Variants in TICRR observed in about 807,000 individuals in gnomAD.
The protein encoded by TICRR is treslin.
In TICRR, 132 loss-of-function variants were observed where a neutral mutation model predicts 178.1. The observed-to-expected ratio is 0.74, with a 90% CI of 0.64 to 0.86. TICRR has a LOEUF of 0.86. Ranked by LOEUF, TICRR falls within the 40% of genes least tolerant of loss-of-function variation. The probability of loss-of-function intolerance (pLI) is 0.00; values close to 1 mark genes in which losing one functional copy is unlikely to be tolerated. For missense variants in TICRR, 2,587 were observed against 2,334.3 expected, an observed-to-expected ratio of 1.11 and a Z score of -2.23; for synonymous variants, 991 against 900.7, an observed-to-expected ratio of 1.10 and a Z score of -1.79.
chr15:89,596,902 C>G (rs1349687362), intron 7 of TICRR, among the ~76,000 whole-genome samples: 1 of 152,090 alleles, frequency 6.6e-6, no homozygotes, highest in African/African-American at 2.4e-5. Context: ...TTACTGTTTT[C>G]TATTTTCATT....
chr15:89,576,876 T>C (rs1596036333), intron 1 of TICRR, among the ~76,000 whole-genome samples: 1 of 146,058 alleles, frequency 6.8e-6, no homozygotes, highest in East Asian at 2.0e-4. Flanking sequence ...CACACACATA[T>C]ATATACACAT....
At chr15:89,590,283 C>G (rs541862636) in intron 4 of TICRR, among the ~76,000 whole-genome samples, 1 of 152,284 alleles carries the variant, frequency 6.6e-6, no homozygotes, top group East Asian at 1.9e-4. Flanking sequence ...AATTCAGCTG[C>G]TACTTGGTGG....
Position 89,624,019 on chromosome 15 carries a change from A to G in TICRR, c.3709A>G (p.Arg1237Gly), listed in dbSNP as rs199522995. 12 of 1,613,926 alleles carry G rather than the reference A, an allele frequency of 7.4e-6. No homozygotes were observed. Among genetic ancestry groups the G allele is most frequent in the Middle Eastern group, 1.6e-4 (1 of 6,082 alleles). The stretch of plus-strand genomic sequence containing the variant: ...TCCAACTTCATCGACTGCCCAGCCC[A>G]GGAGAGAGTGTCTCACTCCCATCAG... ...APPTSSTAQP[R>G]RECLTPIRDP... The change falls in exon 20 of 22, where the codon AGG becomes GGG. Residue 1237 changes from arginine (R) to glycine (G), a missense_variant. By Grantham distance (125) the Arg-to-Gly change is moderately radical (BLOSUM62 -2). Coordinates refer to ENST00000268138, the MANE Select transcript of TICRR (RefSeq NM_152259.4).
At position 89,623,631 on chromosome 15, in the gene TICRR, G is replaced by A; in HGVS notation, c.3321G>A (p.Lys1107=). Reference sequence around the variant, plus strand: ...AGCATTTCTCTTTTCAGACTCCCAAGAAGAGTCACCAGAAATCTCTGAGCT... The same window carrying A: ...AGCATTTCTCTTTTCAGACTCCCAAAAAGAGTCACCAGAAATCTCTGAGCT... ...SEVPAAYQTP[K]KSHQKSLSFS... Residue 1107 remains lysine, a synonymous_variant, in exon 20 of 22, where the codon AAG becomes AAA. Transcript: ENST00000268138. 6.2e-7 allele frequency: 1 copy of A among 1,606,542 alleles called. No individual in the cohort carries two copies. Among genetic ancestry groups the A allele is most frequent in the Non-Finnish European group, 8.5e-7 (1 of 1,177,250 alleles).
chr15:89,625,817 A>C, intron 20 of TICRR, 31 bp downstream of exon 20: 8 of 1,576,102 alleles, frequency 5.1e-6, no homozygotes, highest in Non-Finnish European at 6.9e-6. Context: ...CAGTTTCCTC[A>C]TGGTTTCTTT....
chr15:89,597,595 C>G (rs1963019949), intron 7 of TICRR, among the ~76,000 whole-genome samples: 1 of 151,576 alleles, frequency 6.6e-6, no homozygotes, highest in Non-Finnish European at 1.5e-5. Flanking sequence ...TTACATTGAT[C>G]TCTCTATTCT....
At chr15:89,592,505 A>G (rs887931363) in intron 5 of TICRR, among the ~76,000 whole-genome samples, 3 of 152,226 alleles carry the variant, frequency 2.0e-5, no homozygotes, top group Non-Finnish European at 4.4e-5. Flanking sequence ...AACTTGAATA[A>G]TGCAGCTGAA....
chr15:89,589,446 G>A (rs1962875000), intron 4 of TICRR, among the ~76,000 whole-genome samples: 1 of 152,054 alleles, frequency 6.6e-6, no homozygotes, highest in African/African-American at 2.4e-5. Flanking sequence ...AGTGGAGGGT[G>A]GCCTTGTTTT....
intron 1 of TICRR, among the ~76,000 whole-genome samples, chr15:89,578,983 G>C (rs904481249): frequency 1.3e-5 from 2 of 152,140 alleles, no homozygotes; most frequent in Non-Finnish European, 2.9e-5. Flanking sequence ...CTTGGGGAGC[G>C]TGCAGTCTGG....
chr15:89,617,269 G>C (rs1963349764), intron 16 of TICRR, among the ~76,000 whole-genome samples: 1 of 152,198 alleles, frequency 6.6e-6, no homozygotes, highest in Non-Finnish European at 1.5e-5. Context: ...ACACACTTGT[G>C]AAGTTTATAG....
chr15:89,627,811 C>T lies in TICRR; in HGVS notation c.*725C>T, dbSNP rs955635933. 2.6e-5 allele frequency: 4 copies of T among 152,468 alleles called. No homozygotes were observed. Among genetic ancestry groups the T allele is most frequent in the Non-Finnish European group, 5.9e-5 (4 of 68,316 alleles). 9.4% of individuals were successfully genotyped at this position (152,468 alleles called of 1,614,324 possible). A position where few individuals can be genotyped will look rare whatever the true frequency, so the allele number is the denominator to read the frequency against. ...GCCCCACAGGAGTGCCCCACAGACCCGCTGGACCAGCCTGCTGCGGGTCCT... is the reference window on the plus strand; with the variant it reads ...GCCCCACAGGAGTGCCCCACAGACCTGCTGGACCAGCCTGCTGCGGGTCCT... On this transcript the variant is annotated 3_prime_UTR_variant, in exon 22 of 22. Coordinates refer to ENST00000268138, the MANE Select transcript of TICRR (RefSeq NM_152259.4).
At position 89,627,195 on chromosome 15, in the gene TICRR, A is replaced by G. The variant is rs1963547278; in HGVS notation, c.*109A>G. On this transcript the variant is annotated 3_prime_UTR_variant, in exon 22 of 22. Coordinates refer to ENST00000268138, the MANE Select transcript of TICRR (RefSeq NM_152259.4). The stretch of plus-strand genomic sequence containing the variant: ...CTCTTTTGCCATGGTCAGTGTTCAG[A>G]TTGCCATTAGAATGCCTTAGGGTTT... The G allele has an allele frequency of 7.2e-7, 1 of 1,391,236 alleles. No homozygotes were observed. Among genetic ancestry groups the G allele is most frequent in the Non-Finnish European group, 9.9e-7 (1 of 1,006,798 alleles). The allele number at this position is 1,391,236 out of a possible 1,614,324, so 86.2% of individuals were successfully genotyped here. A position where few individuals can be genotyped will look rare whatever the true frequency, so the allele number is the denominator to read the frequency against.
chr15:89,587,506 T>C (rs755547297), intron 4 of TICRR, among the ~76,000 whole-genome samples: 11 of 151,870 alleles, frequency 7.2e-5, no homozygotes, highest in Non-Finnish European at 1.6e-4. Context: ...GTCTGGGGAA[T>C]GAGGAGAGAG....
At chr15:89,612,886 C>T (rs947073865) in intron 15 of TICRR, among the ~76,000 whole-genome samples, 7 of 152,192 alleles carry the variant, frequency 4.6e-5, no homozygotes, top group Admixed American at 2.0e-4. Flanking sequence ...TCTATATTGT[C>T]ATGCAAATTA....
In TICRR at chr15:89,624,672, T is replaced by C. The variant is rs78363401; in HGVS notation, c.4362T>C (p.Pro1454=). 6,769 of 1,614,066 alleles carry C rather than the reference T, an allele frequency of 4.2e-3. 242 individuals are homozygous for C. The African/African-American group carries it at 0.077, about 18-fold the overall frequency. ...GGAGTGATTGGCATGCATCCTCTCCTCTGCTCATTACAAGTGACACAGAGC... is the reference window on the plus strand; with the variant it reads ...GGAGTGATTGGCATGCATCCTCTCCCCTGCTCATTACAAGTGACACAGAGC... ...GLRSDWHASS[P]LLITSDTEHV... The change falls in exon 20 of 22, where the codon CCT becomes CCC. Residue 1454 remains proline (P), a synonymous_variant. Coordinates refer to ENST00000268138, the MANE Select transcript of TICRR (RefSeq NM_152259.4).
In TICRR at chr15:89,607,469, T is replaced by C. The variant is rs918437798; in HGVS notation, c.2722+644T>C. ...TTAGTGATGGGCGTATGTTTAATTT[T>C]ATTATTATTTGAAACTTGCTATAGA... On this transcript the variant is annotated intron_variant, in intron 14 of 21. Coordinates refer to ENST00000268138, the MANE Select transcript of TICRR (RefSeq NM_152259.4). Among the ~76,000 whole-genome samples, 8 of 152,138 alleles carry C rather than the reference T, an allele frequency of 5.3e-5. No homozygotes were observed. The South Asian group carries it at 1.4e-3, about 28-fold the overall frequency.
chr15:89,625,177 T>C lies in TICRR; in HGVS notation c.4867T>C (p.Ser1623Pro), dbSNP rs200930108. Reference protein sequence around the residue: ...SLSKPEPTYVSPPCPRLSHST... With the variant: ...SLSKPEPTYVPPPCPRLSHST... ...AAGCAAACCTGAACCCACCTATGTGTCACCCCCCTGCCCCCGCCTCTCCCA... is the reference window on the plus strand; with the variant it reads ...AAGCAAACCTGAACCCACCTATGTGCCACCCCCCTGCCCCCGCCTCTCCCA... The change falls in exon 20 of 22, where the codon TCA (serine) becomes CCA (proline). Residue 1623 changes from serine (S) to proline (P), a missense_variant. Ser to Pro is a moderately conservative substitution (Grantham distance 74). Transcript: ENST00000268138. 3.0e-5 allele frequency: 49 copies of C among 1,613,502 alleles called. No individual in the cohort carries two copies. The African/African-American group carries it at 5.5e-4, about 18-fold the overall frequency.
chr15:89,587,526 A>G (rs1962841994), intron 4 of TICRR, among the ~76,000 whole-genome samples: 1 of 152,100 alleles, frequency 6.6e-6, no homozygotes, highest in African/African-American at 2.4e-5. Flanking sequence ...GAAACCAGCA[A>G]AGGAGACAAA....
chr15:89,614,109 A>C (rs1296636636), intron 15 of TICRR, among the ~76,000 whole-genome samples: 2 of 151,874 alleles, frequency 1.3e-5, no homozygotes, highest in Admixed American at 1.3e-4. Flanking sequence ...AGCCGAGATC[A>C]CGCCACTGCA....
Sources: allele counts gnomAD v4.1 joint callset (sites outside exome capture counted in the v4.1 genomes callset), GRCh38; gene constraint gnomAD v4.1.1; transcripts MANE v1.5; gene names NCBI Gene and HGNC (gene_info 2026-07-23, HGNC 2026-07-21).